DNMT1: variants seen among roughly 807,000 people sequenced by gnomAD.
DNMT1 encodes DNA (cytosine-5)-methyltransferase 1.
A neutral mutation model predicts 205.3 loss-of-function variants in DNMT1; 24 were observed. The ratio of observed to expected loss-of-function variants is 0.12; its 90% CI spans 0.08 to 0.16. The LOEUF (loss-of-function observed/expected upper bound fraction) is 0.16, where lower values mean the gene tolerates loss of function less well. Ranked by LOEUF, DNMT1 falls within the 10% of genes least tolerant of loss-of-function variation. The pLI, the probability that DNMT1 is intolerant of heterozygous loss-of-function variation, is 1.00. For missense variants in DNMT1, 1,293 were observed against 2,177.7 expected, an observed-to-expected ratio of 0.59 and a Z score of 8.09; for synonymous variants, 817 against 839.8, an observed-to-expected ratio of 0.97 and a Z score of 0.47.
chr19:10,138,447 G>A lies in DNMT1; in HGVS notation c.4107C>T (p.Asn1369=). The change falls in exon 35 of 41, where the codon AAC becomes AAT. Residue 1369 remains asparagine (N), a synonymous_variant. Transcript: ENST00000359526. The surrounding 1 kb of genome is among the most constrained non-coding windows in gnomAD (Gnocchi z 4.1). ...VVVDDKKFVS[N]ITRLSSGPFR... ...CGACGGGGGCCACCTACCTGGTTAT[G>A]TTGCTCACAAACTTCTTGTCATCCA... is the stretch of plus-strand genomic sequence containing the variant. The A allele has an allele frequency of 6.2e-7, 1 of 1,613,956 alleles. No homozygotes were observed. The highest frequency in any genetic ancestry group is 8.5e-7 in the Non-Finnish European group (1 of 1,180,044).
intron 10 of DNMT1, 104 bp downstream of exon 10, chr19:10,168,226 T>C (rs2038733969): frequency 7.5e-7 from 1 of 1,335,206 alleles, no homozygotes. Context: ...AAGAGACATA[T>C]GATTAGTGCC....
At chr19:10,142,268 T>C (rs371983544) in intron 29 of DNMT1, 48 bp from the exon 30 acceptor site, 135 of 1,611,578 alleles carry the variant, frequency 8.4e-5, no homozygotes, top group Non-Finnish European at 1.1e-4. Flanking sequence ...GTGGTGAGCT[T>C]ATGCTGAATT....
intron 6 of DNMT1, among the ~76,000 whole-genome samples, chr19:10,176,771 T>A (rs1284580077): frequency 6.6e-6 from 1 of 151,840 alleles, no homozygotes; most frequent in African/African-American, 2.4e-5. Flanking sequence ...GGCAGGAGAA[T>A]CACTTGAACC....
rs963943281 is a variant in DNMT1, at chr19:10,143,915, G to A, written c.2967C>T (p.Tyr989=). The stretch of plus-strand genomic sequence containing the variant: ...CTTTGATGTAGTCGGAGTATTTCCG[G>A]TAGTGCTCTGGGTACAGGTCCTCAT... The part of the protein sequence containing the change: ...PVDEDLYPEH[Y]RKYSDYIKGS... Residue 989 remains tyrosine (Y), a synonymous_variant, in exon 29 of 41, where the codon TAC becomes TAT. Coordinates refer to ENST00000359526, the MANE Select transcript of DNMT1 (RefSeq NM_001130823.3). The A allele has an allele frequency of 1.5e-5, 24 of 1,614,076 alleles. No homozygotes were observed. The highest frequency in any genetic ancestry group is 4.0e-5 in the African/African-American group (3 of 74,930).
intron 1 of DNMT1, among the ~76,000 whole-genome samples, chr19:10,187,800 C>T (rs1254615543): frequency 6.6e-6 from 1 of 150,412 alleles, no homozygotes; most frequent in African/African-American, 2.5e-5. Flanking sequence ...CCCAGGAATT[C>T]AAGACCAGCC....
chr19:10,160,080 AAT>A lies in DNMT1; in HGVS notation c.1044-19_1044-18del. 1 of 1,589,494 alleles carries A rather than the reference AAT, an allele frequency of 6.3e-7. No individual in the cohort carries two copies. Among genetic ancestry groups the A allele is most frequent in the South Asian group, 1.1e-5 (1 of 89,076 alleles). On this transcript the variant is annotated intron_variant, in intron 14 of 40. Coordinates refer to ENST00000359526, the MANE Select transcript of DNMT1 (RefSeq NM_001130823.3). ...TTCTCCGTTCTGGGGGAAAAAAAAA[AAT>A]CACAAGATCGTTTGTTTAATTGTTT...
At position 10,142,126 on chromosome 19, in the gene DNMT1, C is replaced by G. The variant is rs747215182; in HGVS notation, c.3211G>C (p.Ala1071Pro). ...SDEEAVVDFK[A>P]VQGRCTVEYG... Reference sequence around the variant, plus strand: ...TCCACGGTGCAGCGGCCCTGCACAGCCTTGAAGTCCACCACGGCCTCCTCG... The same window carrying G: ...TCCACGGTGCAGCGGCCCTGCACAGGCTTGAAGTCCACCACGGCCTCCTCG... Residue 1071 changes from alanine to proline, a missense_variant, in exon 30 of 41, where the codon GCT (alanine) becomes CCT (proline). By Grantham distance (27) the Ala-to-Pro change is conservative (BLOSUM62 -1). Coordinates refer to ENST00000359526, the MANE Select transcript of DNMT1 (RefSeq NM_001130823.3). The G allele has an allele frequency of 6.2e-7, 1 of 1,614,020 alleles. No homozygotes were observed. The highest frequency in any genetic ancestry group is 8.5e-7 in the Non-Finnish European group (1 of 1,180,026).
chr19:10,141,587 G>A, intron 30 of DNMT1: 1 of 345,174 alleles, frequency 2.9e-6, no homozygotes, highest in East Asian at 7.5e-5. Flanking sequence ...GCTGACTCGT[G>A]GGCCCTCTCC....
chr19:10,187,019 T>C (rs1247960539), intron 1 of DNMT1, among the ~76,000 whole-genome samples: 1 of 151,754 alleles, frequency 6.6e-6, no homozygotes, highest in Non-Finnish European at 1.5e-5. Context: ...AAGTGGCTGG[T>C]TCTGGAAACA....
chr19:10,140,037 C>G lies in DNMT1; in HGVS notation c.3806+9G>C. The G allele has an allele frequency of 6.2e-7, 1 of 1,606,972 alleles. No individual in the cohort carries two copies. Among genetic ancestry groups the G allele is most frequent in the Non-Finnish European group, 8.5e-7 (1 of 1,180,014 alleles). On this transcript the variant is annotated intron_variant, in intron 33 of 40. Transcript: ENST00000359526. This position sits in a 1 kb window ranked among gnomAD's most constrained non-coding sequence, Gnocchi z 8.4. The stretch of plus-strand genomic sequence containing the variant: ...GTCTGGCAACACTGGGGGGCTTCTA[C>G]CCGTTTACCTGAGGAAGGAAACCAC...
intron 1 of DNMT1, among the ~76,000 whole-genome samples, chr19:10,191,580 C>T (rs1215565157): frequency 6.6e-6 from 1 of 152,060 alleles, no homozygotes; most frequent in African/African-American, 2.4e-5. Context: ...CCAACAGAGC[C>T]CCTGAGCCAG....
At chr19:10,185,023 C>T (rs2039151840) in intron 1 of DNMT1, among the ~76,000 whole-genome samples, 1 of 152,240 alleles carries the variant, frequency 6.6e-6, no homozygotes, top group African/African-American at 2.4e-5. Flanking sequence ...GCGCCGCTCA[C>T]ATATGAGCAC....
rs550224160 is a variant in DNMT1 at position 10,142,253 on chromosome 19, C to T, written c.3117-33G>A. 194 of 1,613,476 alleles carry T rather than the reference C, an allele frequency of 1.2e-4. 5 individuals carry two copies. In the South Asian group the frequency reaches 2.1e-3, roughly 17 times the overall value. On this transcript the variant is annotated intron_variant, in intron 29 of 40. Coordinates refer to ENST00000359526, the MANE Select transcript of DNMT1 (RefSeq NM_001130823.3). ...CGGGAGAGGCCTCGTTAGGAGCTCT[C>T]CTTTGTGGTGAGCTTATGCTGAATT... is the stretch of plus-strand genomic sequence containing the variant.
At position 10,141,139 on chromosome 19, in the gene DNMT1, A is replaced by C. The variant is rs1276890419; in HGVS notation, c.3360T>G (p.Arg1120=). ...KSFEDPPNHA[R]SPGNKGKGKG... is the part of the protein sequence containing the mutation. ...TGCCCTTCCCTTTGTTTCCAGGGCT[A>C]CGGGCATGGTTGGGAGGATCTTCAA... Residue 1120 remains arginine (R), a synonymous_variant, in exon 31 of 41, where the codon CGT becomes CGG. Transcript: ENST00000359526. The C allele has an allele frequency of 6.2e-7, 1 of 1,614,066 alleles. No homozygotes were observed.
Position 10,194,912 on chromosome 19 carries a change from AGCAGACGCGGCGGCGGCAGC to A in DNMT1, c.-33_-14del. 1 of 1,602,112 alleles carries A rather than the reference AGCAGACGCGGCGGCGGCAGC, an allele frequency of 6.2e-7. No individual in the cohort carries two copies. ...TACGCGCCGGCATCTCGGAGGCTTC[AGCAGACGCGGCGGCGGCAGC>A]GCAGGCGCCCCGGCTTTTCGCGCGG... On this transcript the variant is annotated 5_prime_UTR_variant, in exon 1 of 41. Coordinates refer to ENST00000359526, the MANE Select transcript of DNMT1 (RefSeq NM_001130823.3).
chr19:10,181,644 C>G (rs2039048560), intron 2 of DNMT1, among the ~76,000 whole-genome samples: 1 of 151,344 alleles, frequency 6.6e-6, no homozygotes, highest in African/African-American at 2.4e-5. Flanking sequence ...GTCTGGCCAA[C>G]ATGGTGAAAC....
chr19:10,142,605 C>T (rs531847976), intron 29 of DNMT1, among the ~76,000 whole-genome samples: 5 of 144,840 alleles, frequency 3.5e-5, no homozygotes, highest in African/African-American at 7.8e-5. Flanking sequence ...ATTAGGGAAC[C>T]GCCAGGTAAT....
At chr19:10,150,194 G>A (rs2038308659) in intron 24 of DNMT1, among the ~76,000 whole-genome samples, 1 of 152,146 alleles carries the variant, frequency 6.6e-6, no homozygotes, top group Admixed American at 6.5e-5. Flanking sequence ...GGGCATCCAT[G>A]TCCCTCCCAC....
At chr19:10,162,777 A>G (rs1341445982) in intron 12 of DNMT1, 29 bp from the exon 13 acceptor site, 1 of 1,611,998 alleles carries the variant, frequency 6.2e-7, no homozygotes, top group East Asian at 2.2e-5. Context: ...CACAGCAAGT[A>G]GCAGCTTAGA....
Sources: allele counts gnomAD v4.1 joint callset (sites outside exome capture counted in the v4.1 genomes callset), GRCh38; gene constraint gnomAD v4.1.1; non-coding constraint Gnocchi (gnomAD v3.1); transcripts MANE v1.5; gene names NCBI Gene and HGNC (gene_info 2026-07-23, HGNC 2026-07-21).